CCDC3: variants seen among roughly 807,000 people sequenced by gnomAD.
CCDC3 encodes coiled-coil domain containing 3, also known as coiled-coil domain-containing protein 3.
Under a neutral mutation model 21.4 loss-of-function variants are expected in CCDC3, and 24 were observed. The observed-to-expected ratio is 1.12, with a 90% CI of 0.81 to 1.58. The LOEUF is 1.58. Among genes scored for constraint, CCDC3 ranks in the 40% most tolerant of loss-of-function variants. The pLI is 0.00. For synonymous variants in CCDC3, 186 were observed against 166.0 expected, an observed-to-expected ratio of 1.12 and a Z score of -0.93; for missense variants, 425 against 360.9, an observed-to-expected ratio of 1.18 and a Z score of -1.44.
At chr10:13,017,237 C>G (rs993712843) in intron 5 of CCDC3, among the ~76,000 whole-genome samples, 1 of 151,864 alleles carries the variant, frequency 6.6e-6, no homozygotes, top group Non-Finnish European at 1.5e-5. Flanking sequence ...TGTTTTATGG[C>G]CAGGCACGGT....
At chr10:13,052,973 CACACACACACACATACACACACACA>C (rs1564333739) in intron 4 of CCDC3, among the ~76,000 whole-genome samples, 1 of 88,216 alleles carries the variant, frequency 1.1e-5, no homozygotes, top group African/African-American at 4.4e-5. Context: ...CACACACACA[CACACACACACACATACACACACACA>C]CCTAGAAGTT....
At chr10:12,976,872 G>A (rs928878810) in intron 2 of CCDC3, among the ~76,000 whole-genome samples, 7 of 152,210 alleles carry the variant, frequency 4.6e-5, no homozygotes, top group African/African-American at 1.4e-4. Context: ...ATGTGTCAGT[G>A]TAAATTTAAA....
chr10:12,905,209 C>T lies in CCDC3; in HGVS notation c.550-6530G>A, dbSNP rs541672902. ...AAAACCCAGAGCAGTGATCAGGAAACGATGGCCTATGGGCCACATCTGGCC... is the reference window on the plus strand; with the variant it reads ...AAAACCCAGAGCAGTGATCAGGAAATGATGGCCTATGGGCCACATCTGGCC... On this transcript the variant is annotated intron_variant, in intron 2 of 2. Transcript: ENST00000378825. Among the ~76,000 whole-genome samples the T allele has an allele frequency of 3.3e-5, 5 of 151,986 alleles. No individual in the cohort carries two copies. The South Asian group carries it at 6.2e-4, about 19-fold the overall frequency.
intron 2 of CCDC3, among the ~76,000 whole-genome samples, chr10:12,917,180 CTTTTTTTTTTT>C (rs56054100): frequency 7.0e-4 from 41 of 58,242 alleles, no homozygotes; most frequent in African/African-American, 2.5e-3. Flanking sequence ...ATTTCTTCTT[CTTTTTTTTTTT>C]TTTTTTTTTT....
intron 2 of CCDC3, among the ~76,000 whole-genome samples, chr10:12,978,992 C>T (rs1242071692): frequency 6.6e-6 from 1 of 152,138 alleles, no homozygotes; most frequent in Non-Finnish European, 1.5e-5. Flanking sequence ...GCTGTCATTT[C>T]ACAACCCTGT....
intron 4 of CCDC3, among the ~76,000 whole-genome samples, chr10:13,061,996 C>A (rs1836763835): frequency 7.6e-6 from 1 of 131,476 alleles, no homozygotes; most frequent in Non-Finnish European, 1.5e-5. Context: ...GACAGTTTTA[C>A]AGGGCCATTT....
chr10:12,991,021 T>C (rs1315491336), intron 2 of CCDC3, among the ~76,000 whole-genome samples: 1 of 152,170 alleles, frequency 6.6e-6, no homozygotes, highest in African/African-American at 2.4e-5. Flanking sequence ...AAGCTACACT[T>C]CTCCATCTCT....
chr10:12,944,791 ATAACT>A (rs1181073228), intron 2 of CCDC3, among the ~76,000 whole-genome samples: 2 of 152,238 alleles, frequency 1.3e-5, no homozygotes, highest in African/African-American at 4.8e-5. Context: ...AGCAAGAAAA[ATAACT>A]TAAGGTGACG....
At position 12,951,762 on chromosome 10, in the gene CCDC3, G is replaced by C. The variant is rs551876551; in HGVS notation, c.549+46576C>G. Among the ~76,000 whole-genome samples, 5 of 113,846 alleles carry C rather than the reference G, an allele frequency of 4.4e-5. 1 individual carries two copies. Among genetic ancestry groups the C allele is most frequent in the African/African-American group, 1.7e-4 (5 of 29,296 alleles). The allele number at this position is 113,846 out of a possible 152,430, so 74.7% of individuals were successfully genotyped here. A position where few individuals can be genotyped will look rare whatever the true frequency, so the allele number is the denominator to read the frequency against. ...GGAGGTTGCAGTAAGCTGAGACTGA[G>C]CCACAATACTCCAGCCTGGACAACA... On this transcript the variant is annotated intron_variant, in intron 2 of 2. Coordinates refer to ENST00000378825, the MANE Select transcript of CCDC3 (RefSeq NM_031455.4).
intron 5 of CCDC3, among the ~76,000 whole-genome samples, chr10:13,022,045 C>T (rs1836152772): frequency 6.6e-6 from 1 of 152,160 alleles, no homozygotes; most frequent in Admixed American, 6.5e-5. Flanking sequence ...CAGGTGTGAG[C>T]TACCACGCCC....
At chr10:12,986,532 T>C (rs893299034) in intron 2 of CCDC3, among the ~76,000 whole-genome samples, 45 of 152,312 alleles carry the variant, frequency 3.0e-4, no homozygotes, top group African/African-American at 1.1e-3. Context: ...CCCAGCACTT[T>C]GGGAGGCCAA....
intron 2 of CCDC3, among the ~76,000 whole-genome samples, chr10:12,930,953 G>C (rs1438914429): frequency 6.6e-6 from 1 of 152,192 alleles, no homozygotes; most frequent in Non-Finnish European, 1.5e-5. Context: ...GCTCACACCT[G>C]TAATCCCAGC....
intron 2 of CCDC3, among the ~76,000 whole-genome samples, chr10:12,983,294 A>G (rs1784739052): frequency 6.6e-6 from 1 of 151,106 alleles, no homozygotes; most frequent in South Asian, 2.1e-4. Flanking sequence ...TGAAAACAGC[A>G]GGGAGTGGTG....
chr10:12,976,588 C>CT (rs1411686464), intron 2 of CCDC3, among the ~76,000 whole-genome samples: 1 of 152,236 alleles, frequency 6.6e-6, no homozygotes, highest in African/African-American at 2.4e-5. Context: ...CATGAACCTA[C>CT]TTTCACACAC....
At chr10:12,981,670 C>T (rs1034949743) in intron 2 of CCDC3, among the ~76,000 whole-genome samples, 5 of 152,164 alleles carry the variant, frequency 3.3e-5, no homozygotes, top group Non-Finnish European at 7.4e-5. Context: ...GACTTTTTGG[C>T]ACAGGTGCTA....
intron 5 of CCDC3, among the ~76,000 whole-genome samples, chr10:13,015,023 T>C (rs1399509943): frequency 2.0e-5 from 3 of 152,086 alleles, no homozygotes; most frequent in Admixed American, 2.0e-4. Flanking sequence ...TTCATATATT[T>C]GAATATTTTA....
At chr10:13,099,697 T>C (rs1372005580), upstream of CCDC3, 1 of 151,938 alleles carries the variant, frequency 6.6e-6, no homozygotes, top group Admixed American at 6.5e-5. Flanking sequence ...CAGTTAACTA[T>C]GTCTAGATGT....
intron 3 of CCDC3, among the ~76,000 whole-genome samples, chr10:13,090,034 GATAT>G (rs66476163): frequency 0.011 from 1,370 of 129,050 alleles, 31 homozygotes; most frequent in Middle Eastern, 0.016. Context: ...TATTCCGTTA[GATAT>G]ATATATATAT....
intron 3 of CCDC3, among the ~76,000 whole-genome samples, chr10:13,074,556 AAC>A (rs1371006928): frequency 6.6e-6 from 1 of 151,350 alleles, no homozygotes; most frequent in African/African-American, 2.4e-5. Context: ...TGCTCACTTG[AAC>A]TAACTCTCCC....
Sources: allele counts gnomAD v4.1 joint callset (sites outside exome capture counted in the v4.1 genomes callset), GRCh38; gene constraint gnomAD v4.1.1; transcripts MANE v1.5; gene names NCBI Gene and HGNC (gene_info 2026-07-23, HGNC 2026-07-21).